The following SORCS1 variants were observed in gnomAD, a reference collection of about 807,000 sequenced individuals.
The protein encoded by SORCS1 is VPS10 domain-containing receptor SorCS1.
Under a neutral mutation model 146.1 loss-of-function variants are expected in SORCS1, and 60 were observed. The ratio of observed to expected loss-of-function variants is 0.41; its 90% confidence interval spans 0.33 to 0.51. The LOEUF (loss-of-function observed/expected upper bound fraction) is 0.51, where lower values mean the gene tolerates loss of function less well. Ranked by LOEUF, SORCS1 falls within the 20% of genes least tolerant of loss-of-function variation. The pLI is 0.21. For synonymous variants in SORCS1, 637 were observed against 584.0 expected (o/e 1.09, Z -1.31); for missense variants, 1,352 against 1,487.6 (o/e 0.91, Z 1.50).
rs1401060006 is a variant in SORCS1, at chr10:106,906,456, G to A, written c.626+50057C>T. ...TTGACTTACAGTTCCACATGACTGA[G>A]GAGGCCTCAGTCAGAATCACGGTGG... On this transcript the variant is annotated intron_variant, in intron 2 of 25. Coordinates refer to ENST00000263054, the MANE Select transcript of SORCS1 (RefSeq NM_052918.5). Among the ~76,000 whole-genome samples, 15 of 152,280 alleles carry A rather than the reference G, an allele frequency of 9.9e-5. No individual in the cohort carries two copies. The South Asian group carries it at 2.9e-3, about 29-fold the overall frequency.
Position 106,806,505 on chromosome 10 carries a change from CTTTTTTTTTTTTTT to C in SORCS1, c.726+23055_726+23068del, listed in dbSNP as rs1191296212. The stretch of plus-strand genomic sequence containing the variant: ...CAGCCCTTCTGATGAGAGAGGAAGC[CTTTTTTTTTTTTTT>C]TTTTTTTTTTTTTTGAGATGGAGTC... On this transcript the variant is annotated intron_variant, in intron 3 of 25. Transcript: ENST00000263054. Among the ~76,000 whole-genome samples the C allele has an allele frequency of 8.5e-5, 6 of 70,468 alleles. No homozygotes were observed. The Admixed American group carries it at 8.9e-4, about 10-fold the overall frequency. 46.2% of individuals were successfully genotyped at this position (70,468 alleles called of 152,430 possible).
intron 1 of SORCS1, among the ~76,000 whole-genome samples, chr10:107,148,886 T>C (rs957480521): frequency 6.6e-6 from 1 of 152,222 alleles, no homozygotes; most frequent in African/African-American, 2.4e-5. Flanking sequence ...TGGGATCTGC[T>C]GAAAAGCTCT....
chr10:107,104,018 T>C (rs909275622), intron 1 of SORCS1, among the ~76,000 whole-genome samples: 1 of 152,228 alleles, frequency 6.6e-6, no homozygotes, highest in Non-Finnish European at 1.5e-5. Context: ...CAGAACCTTT[T>C]TGGACACAAA....
intron 23 of SORCS1, among the ~76,000 whole-genome samples, chr10:106,604,162 C>T (rs187534183): frequency 6.3e-4 from 96 of 152,230 alleles, no homozygotes; most frequent in African/African-American, 1.8e-3. Context: ...GGAAAACAGA[C>T]GGAGAGAGAG....
chr10:106,881,664 G>A (rs1950808380), intron 2 of SORCS1, among the ~76,000 whole-genome samples: 1 of 152,210 alleles, frequency 6.6e-6, no homozygotes, highest in South Asian at 2.1e-4. Context: ...AAATTAAAAT[G>A]AGACAGCTAA....
chr10:106,812,241 C>T (rs1947498722), intron 3 of SORCS1, among the ~76,000 whole-genome samples: 1 of 152,154 alleles, frequency 6.6e-6, no homozygotes, highest in Admixed American at 6.5e-5. Flanking sequence ...ACCTCATGAT[C>T]CGCCCGCCTC....
chr10:107,149,623 C>T (rs574027746), intron 1 of SORCS1, among the ~76,000 whole-genome samples: 7 of 152,286 alleles, frequency 4.6e-5, no homozygotes, highest in African/African-American at 7.2e-5. Flanking sequence ...CACGTGCATG[C>T]GCATTCTTGA....
chr10:106,664,121 A>C (rs2135401881), intron 17 of SORCS1, among the ~76,000 whole-genome samples: 1 of 152,348 alleles, frequency 6.6e-6, no homozygotes, highest in Admixed American at 6.5e-5. Flanking sequence ...AGAAATGAAC[A>C]GGCCCCTGAG....
At chr10:106,645,809 T>C (rs1165344956) in intron 18 of SORCS1, among the ~76,000 whole-genome samples, 8 of 152,140 alleles carry the variant, frequency 5.3e-5, no homozygotes, top group Non-Finnish European at 1.2e-4. Flanking sequence ...AAGGTATTAT[T>C]ACAAATACTT....
At chr10:107,166,653 T>G (rs2134976928), upstream of SORCS1, among the ~76,000 whole-genome samples, 1 of 152,362 alleles carries the variant, frequency 6.6e-6, no homozygotes, top group East Asian at 1.9e-4. Flanking sequence ...CGGTAGTTTT[T>G]TCTTTCCTCA....
At chr10:106,734,077 C>G (rs1233403945) in intron 5 of SORCS1, among the ~76,000 whole-genome samples, 1 of 152,104 alleles carries the variant, frequency 6.6e-6, no homozygotes, top group Admixed American at 6.6e-5. Flanking sequence ...CTTTCTGGGA[C>G]TCAGAACCTC....
At chr10:106,646,999 T>C (rs1245019399) in intron 18 of SORCS1, among the ~76,000 whole-genome samples, 1 of 68,526 alleles carries the variant, frequency 1.5e-5, no homozygotes, top group East Asian at 5.7e-4. Context: ...ATATGTGTGT[T>C]TGTATGTGTA....
rs538935422 is a variant in SORCS1, at chr10:106,620,545, C to T, written c.2679G>A (p.Val893=). ...YLHVTCPLEH[V]HLSLPFVTTK... ...TGGTGACAAAGGGAAGAGACAGGTG[C>T]ACGTGCTCCAAGGGACCTGAGGCAC... is the stretch of plus-strand genomic sequence containing the variant. Residue 893 remains valine (V), a synonymous_variant, in exon 20 of 26, where the codon GTG becomes GTA. Transcript: ENST00000263054. 1 of 1,613,938 alleles carries T rather than the reference C, an allele frequency of 6.2e-7. No homozygotes were observed. Among genetic ancestry groups the T allele is most frequent in the Non-Finnish European group, 8.5e-7 (1 of 1,179,858 alleles).
At chr10:106,757,182 T>C (rs1179960980) in intron 5 of SORCS1, among the ~76,000 whole-genome samples, 10 of 152,170 alleles carry the variant, frequency 6.6e-5, no homozygotes, top group Admixed American at 6.5e-4. Context: ...CTTCCAGGGG[T>C]GGCATGACCA....
chr10:106,783,081 A>T (rs535504958), intron 3 of SORCS1, among the ~76,000 whole-genome samples: 1 of 152,238 alleles, frequency 6.6e-6, no homozygotes, highest in South Asian at 2.1e-4. Context: ...TGCTATTATC[A>T]GTTGTGCCAC....
At chr10:106,935,307 C>A (rs1031292765) in intron 2 of SORCS1, among the ~76,000 whole-genome samples, 13 of 151,852 alleles carry the variant, frequency 8.6e-5, no homozygotes, top group Non-Finnish European at 1.5e-4. Flanking sequence ...TATTATTATC[C>A]CTAATATAGA....
In SORCS1 at chr10:106,911,981, C is replaced by T. The variant is rs142353164; in HGVS notation, c.626+44532G>A. On this transcript the variant is annotated intron_variant, in intron 2 of 25. Transcript: ENST00000263054. ...ACAAAAAATTAGCCGGGTGTTGTGGCGGGCATCTGTAGTCCCAGCTACTCA... is the reference window on the plus strand; with the variant it reads ...ACAAAAAATTAGCCGGGTGTTGTGGTGGGCATCTGTAGTCCCAGCTACTCA... 1.9e-3 allele frequency among the ~76,000 whole-genome samples: 288 copies of T among 151,896 alleles called. 1 individual carries two copies. Among genetic ancestry groups the T allele is most frequent in the African/African-American group, 5.9e-3 (244 of 41,448 alleles).
At chr10:106,916,990 G>T (rs183596469) in intron 2 of SORCS1, among the ~76,000 whole-genome samples, 5 of 152,228 alleles carry the variant, frequency 3.3e-5, no homozygotes, top group African/African-American at 4.8e-5. Context: ...TAATCTGCCC[G>T]CCTCAGCCTC....
chr10:106,931,613 C>T (rs1051044733), intron 2 of SORCS1, among the ~76,000 whole-genome samples: 4 of 152,180 alleles, frequency 2.6e-5, no homozygotes, highest in African/African-American at 7.2e-5. Context: ...GAGGCATCAT[C>T]GTGGGAAAGC....
Sources: gnomAD v4.1 joint callset for allele counts (sites outside exome capture counted in the v4.1 genomes callset) on GRCh38, gnomAD v4.1.1 for gene constraint, MANE v1.5 for transcripts, NCBI Gene and HGNC (gene_info 2026-07-23, HGNC 2026-07-21) for gene names.